Variants in NAAA observed in about 807,000 individuals in gnomAD.
NAAA encodes N-acylethanolamine-hydrolyzing acid amidase.
In NAAA, 39 loss-of-function variants were observed where a neutral mutation model predicts 44.8. The observed-to-expected ratio is 0.87, with a 90% CI of 0.67 to 1.14. NAAA has a LOEUF of 1.14. Ranked by LOEUF, NAAA falls within the 50% of genes most tolerant of loss-of-function variation. The pLI is 0.00. For synonymous variants in NAAA, 178 were observed against 191.3 expected, an observed-to-expected ratio of 0.93 and a Z score of 0.58; for missense variants, 460 against 467.8, an observed-to-expected ratio of 0.98 and a Z score of 0.15.
rs564097418 is a variant in NAAA, at chr4:75,940,073, C to T, written c.299G>A (p.Arg100His). Residue 100 changes from arginine to histidine, a missense_variant, in exon 2 of 11, where the codon CGC becomes CAC. By Grantham distance (29) the Arg-to-His change is conservative. Coordinates refer to ENST00000286733, the MANE Select transcript of NAAA (RefSeq NM_014435.4). ...GAGGTTCATGAAGTCACACATGCCG[C>T]GGATCTCGCCGGTGAAGGGCTGGGG... ...FLPQPFTGEI[R>H]GMCDFMNLSL... 28 of 1,614,122 alleles carry T rather than the reference C, an allele frequency of 1.7e-5. No homozygotes were observed. In the South Asian group the frequency reaches 1.9e-4, roughly 11 times the overall value.
intron 2 of NAAA, among the ~76,000 whole-genome samples, chr4:75,938,953 G>A (rs1727971917): frequency 6.6e-6 from 1 of 152,138 alleles, no homozygotes; most frequent in Non-Finnish European, 1.5e-5. Context: ...GGGTTCAAGT[G>A]ATTCTCCTGC....
At chr4:75,920,623 T>C (rs940116469) in intron 7 of NAAA, 115 bp downstream of exon 7, 6 of 1,304,082 alleles carry the variant, frequency 4.6e-6, no homozygotes, top group Admixed American at 3.5e-5. Flanking sequence ...GGGGCTCAGG[T>C]ACATTTTCTG....
At chr4:75,937,835 G>A (rs527534966) in intron 2 of NAAA, among the ~76,000 whole-genome samples, 220 of 152,336 alleles carry the variant, frequency 1.4e-3, no homozygotes, top group Non-Finnish European at 7.3e-4. Flanking sequence ...AGGTCAGGGA[G>A]GGGACTGGTA....
chr4:75,931,415 A>G (rs1727222652), intron 3 of NAAA, 111 bp from the exon 4 acceptor site: 2 of 741,794 alleles, frequency 2.7e-6, no homozygotes, highest in Non-Finnish European at 4.4e-6. Context: ...TTCCAACACA[A>G]TAGAATAAAA....
In NAAA at chr4:75,940,800, G is replaced by A. The variant is rs769043385; in HGVS notation, c.150C>T (p.Pro50=). 89 of 1,598,854 alleles carry A rather than the reference G, an allele frequency of 5.6e-5. 1 individual carries two copies. The South Asian group carries it at 6.5e-4, about 12-fold the overall frequency. ...AGTCCAAGTCGTAGTGCCGCAGCAC[G>A]GGCAGCCAGCGCAGCTCGGGGACCG... ...LDSVPELRWL[P]VLRHYDLDLV... The change falls in exon 1 of 11, where the codon CCC becomes CCT. Residue 50 remains proline, a synonymous_variant. Transcript: ENST00000286733.
intron 5 of NAAA, among the ~76,000 whole-genome samples, chr4:75,925,457 AC>A (rs1459170487): frequency 1.3e-5 from 2 of 152,114 alleles, no homozygotes; most frequent in Admixed American, 1.3e-4. Flanking sequence ...CTTTTAAAAT[AC>A]CCATCACCTC....
At chr4:75,939,919 G>A in intron 2 of NAAA, 82 bp downstream of exon 2, 3 of 1,523,668 alleles carry the variant, frequency 2.0e-6, no homozygotes, top group South Asian at 2.3e-5. Context: ...TTTATCACAC[G>A]GAAAATATGT....
intron 4 of NAAA, among the ~76,000 whole-genome samples, chr4:75,930,980 C>T (rs1727179095): frequency 6.6e-6 from 1 of 152,186 alleles, no homozygotes; most frequent in African/African-American, 2.4e-5. Flanking sequence ...TACTAACCAC[C>T]CCACCTCCTC....
chr4:75,933,506 C>T (rs1185725524), intron 3 of NAAA, among the ~76,000 whole-genome samples: 2 of 151,954 alleles, frequency 1.3e-5, no homozygotes, highest in African/African-American at 4.8e-5. Context: ...ACCTCATTTG[C>T]GTGACACCGT....
At chr4:75,912,935 G>T (rs7662929), downstream of NAAA, among the ~76,000 whole-genome samples, 2 of 152,004 alleles carry the variant, frequency 1.3e-5, no homozygotes, top group African/African-American at 4.8e-5. Context: ...GAAGAAACAC[G>T]AATATTCTGG....
At chr4:75,912,735 C>G (rs1725381358), downstream of NAAA, among the ~76,000 whole-genome samples, 1 of 151,828 alleles carries the variant, frequency 6.6e-6, no homozygotes, top group African/African-American at 2.4e-5. Flanking sequence ...GATTGCACCA[C>G]TGCACTCCAG....
chr4:75,917,676 G>C (rs2149244796), intron 9 of NAAA: 1 of 274,822 alleles, frequency 3.6e-6, no homozygotes, highest in African/African-American at 2.3e-5. Context: ...ATGTTGGCCA[G>C]GCTGGTCTTG....
At position 75,936,254 on chromosome 4, in the gene NAAA, C is replaced by T. The variant is rs1339722496; in HGVS notation, c.372-19G>A. On this transcript the variant is annotated intron_variant, in intron 2 of 10. Transcript: ENST00000286733. ...GCAGAACCTGAGAAAAGGGAAAAGT[C>T]CAACATGAATGAATAAGACAAATAA... 1.9e-6 allele frequency: 3 copies of T among 1,604,042 alleles called. No individual in the cohort carries two copies. In the Admixed American group the frequency reaches 5.2e-5, roughly 28 times the overall value.
intron 3 of NAAA, 150 bp from the exon 4 acceptor site, chr4:75,931,454 T>C (rs904095459): frequency 1.9e-6 from 1 of 538,490 alleles, no homozygotes; most frequent in Admixed American, 3.2e-5. Flanking sequence ...AGACAGAGGT[T>C]CTTAACCTTA....
intron 7 of NAAA, 152 bp from the exon 8 acceptor site, chr4:75,920,127 C>T: frequency 1.3e-6 from 1 of 741,578 alleles, no homozygotes; most frequent in Non-Finnish European, 2.3e-6. Flanking sequence ...CCTGCTGAGG[C>T]CCAGCCCACC....
At position 75,920,829 on chromosome 4, in the gene NAAA, T is replaced by C. The variant is rs371823494; in HGVS notation, c.840-29A>G. 9.9e-6 allele frequency: 16 copies of C among 1,614,112 alleles called. No individual in the cohort carries two copies. The African/African-American group carries it at 1.1e-4, about 11-fold the overall frequency. ...CAACAGAGCACATCATCTTGTCTTA[T>C]CCAAGGCAATTTACGACATAGCAGA... On this transcript the variant is annotated intron_variant, in intron 6 of 10. Transcript: ENST00000286733.
intron 1 of NAAA, 186 bp from the exon 2 acceptor site, chr4:75,940,351 C>T (rs1478346223): frequency 2.3e-5 from 5 of 221,690 alleles, no homozygotes; most frequent in East Asian, 2.3e-4. Flanking sequence ...GGGAAGGGGG[C>T]GGGGGGAAGG....
chr4:75,931,409 A>C (rs1229610048), intron 3 of NAAA, 105 bp from the exon 4 acceptor site: 9 of 769,756 alleles, frequency 1.2e-5, no homozygotes, highest in Non-Finnish European at 1.9e-5. Flanking sequence ...TATAAATTCC[A>C]ACACAATAGA....
At chr4:75,913,616 T>C, downstream of NAAA, 2 of 916,774 alleles carry the variant, frequency 2.2e-6, no homozygotes, top group Non-Finnish European at 2.6e-6. Context: ...TTCAGAACCA[T>C]AAGACTTCGG....
Sources: gnomAD v4.1 joint callset for allele counts (sites outside exome capture counted in the v4.1 genomes callset) on GRCh38, gnomAD v4.1.1 for gene constraint, MANE v1.5 for transcripts, NCBI Gene and HGNC (gene_info 2026-07-23, HGNC 2026-07-21) for gene names.